The following HBP1 variants were observed in gnomAD, a reference collection of about 807,000 sequenced individuals.
The protein encoded by HBP1 is HMG box-containing protein 1.
Under a neutral mutation model 62.6 loss-of-function variants are expected in HBP1, and 20 were observed. That is an observed-to-expected ratio of 0.32 (90% CI 0.22 to 0.46). HBP1 has a LOEUF of 0.46. Ranked by LOEUF, HBP1 falls within the 20% of genes least tolerant of loss-of-function variation. The pLI is 1.00. For synonymous variants in HBP1, 232 were observed against 206.2 expected (o/e 1.12, Z -1.07); for missense variants, 480 against 611.8 (o/e 0.78, Z 2.27).
At chr7:107,186,156 C>CTTTTTTTT (rs946488645) in intron 4 of HBP1, among the ~76,000 whole-genome samples, 5 of 127,270 alleles carry the variant, frequency 3.9e-5, no homozygotes, top group Non-Finnish European at 6.6e-5. Context: ...TCTTTTTTTT[C>CTTTTTTTT]TTTTTTTTTC....
chr7:107,176,961 AT>A (rs1335468677), intron 1 of HBP1, among the ~76,000 whole-genome samples: 1 of 152,066 alleles, frequency 6.6e-6, no homozygotes, highest in Non-Finnish European at 1.5e-5. Context: ...TTTTATGGAG[AT>A]GTGCTGGATG....
At chr7:107,197,562 G>C (rs904764521) in intron 9 of HBP1, among the ~76,000 whole-genome samples, 1 of 152,088 alleles carries the variant, frequency 6.6e-6, no homozygotes, top group African/African-American at 2.4e-5. Context: ...TAGACATGGG[G>C]TTTCACTATG....
chr7:107,169,033 T>G lies in HBP1; in HGVS notation c.-168T>G, dbSNP rs1404797421. 9 of 1,287,980 alleles carry G rather than the reference T, an allele frequency of 7.0e-6. No individual in the cohort carries two copies. The highest frequency in any genetic ancestry group is 1.5e-5 in the African/African-American group (1 of 65,466). 79.8% of individuals were successfully genotyped at this position (1,287,980 alleles called of 1,614,324 possible). A position where few individuals can be genotyped will look rare whatever the true frequency, so the allele number is the denominator to read the frequency against. The stretch of plus-strand genomic sequence containing the variant: ...TGGTAATGGCGACGGGTTTGGTAAG[T>G]AGGAAAGTTTCGGTTGAGGAGTAAG... On this transcript the variant is annotated 5_prime_UTR_variant, in exon 1 of 11. Transcript: ENST00000222574.
chr7:107,186,979 G>A (rs910053350), intron 6 of HBP1, among the ~76,000 whole-genome samples: 6 of 152,174 alleles, frequency 3.9e-5, no homozygotes, highest in African/African-American at 7.2e-5. Flanking sequence ...GAGGTCGGGC[G>A]CAGTGGCTCA....
intron 8 of HBP1, 132 bp downstream of exon 8, chr7:107,190,449 G>A: frequency 8.3e-6 from 5 of 600,534 alleles, no homozygotes; most frequent in South Asian, 2.4e-5. Context: ...ATTATTAAGA[G>A]GAAAGTATGA....
chr7:107,170,046 A>C, intron 1 of HBP1: 1 of 984,874 alleles, frequency 1.0e-6, no homozygotes, highest in South Asian at 4.7e-5. Flanking sequence ...AGGGTGTTTC[A>C]CTCTCCGCTG....
chr7:107,190,479 A>G (rs1182037603), intron 8 of HBP1, among the ~76,000 whole-genome samples, 162 bp downstream of exon 8: 1 of 152,240 alleles, frequency 6.6e-6, no homozygotes, highest in Admixed American at 6.5e-5. Flanking sequence ...ATATTAGGTA[A>G]TTAAAGTATA....
chr7:107,176,118 C>G (rs1011652970), intron 1 of HBP1, among the ~76,000 whole-genome samples: 8 of 151,724 alleles, frequency 5.3e-5, no homozygotes, highest in Non-Finnish European at 1.0e-4. Flanking sequence ...CTCTGTCTCC[C>G]GGGTTCAAGC....
Position 107,201,615 on chromosome 7 carries a change from A to G in HBP1, c.*184A>G, listed in dbSNP as rs1330180898. The G allele has an allele frequency of 4.5e-5, 20 of 444,056 alleles. No individual in the cohort carries two copies. The East Asian group carries it at 6.8e-4, about 15-fold the overall frequency. The allele number at this position is 444,056 out of a possible 1,614,324, so 27.5% of individuals were successfully genotyped here. On this transcript the variant is annotated 3_prime_UTR_variant, in exon 11 of 11. Transcript: ENST00000222574. Reference sequence around the variant, plus strand: ...ATTTGCTTTCTCCATTAGAGCATTAAGCTAAAACTATCAACATTTTAAACC... The same window carrying G: ...ATTTGCTTTCTCCATTAGAGCATTAGGCTAAAACTATCAACATTTTAAACC...
In HBP1 at chr7:107,196,716, G is replaced by A. The variant is rs1190174431; in HGVS notation, c.1385+565G>A. The A allele has an allele frequency of 4.9e-5, 8 of 164,044 alleles. No individual in the cohort carries two copies. In the Middle Eastern group the frequency reaches 9.3e-3, roughly 191 times the overall value. The allele number at this position is 164,044 out of a possible 1,614,324, so 10.2% of individuals were successfully genotyped here. A position where few individuals can be genotyped will look rare whatever the true frequency, so the allele number is the denominator to read the frequency against. ...ATAGCCCAGGCTGCAGTACAGCGGC[G>A]CAACTCACTGTAGCCTGTATCTCCC... is the stretch of plus-strand genomic sequence containing the variant. On this transcript the variant is annotated intron_variant, in intron 9 of 10. Transcript: ENST00000222574.
intron 3 of HBP1, among the ~76,000 whole-genome samples, chr7:107,184,533 C>CG (rs1269581750): frequency 2.6e-5 from 4 of 152,094 alleles, no homozygotes; most frequent in African/African-American, 9.7e-5. Flanking sequence ...TTTTTTGAGA[C>CG]GGAGTCTTGC....
intron 2 of HBP1, among the ~76,000 whole-genome samples, chr7:107,180,909 A>G (rs547080175): frequency 1.2e-3 from 178 of 152,240 alleles, no homozygotes; most frequent in African/African-American, 2.1e-3. Context: ...GAACTCAGAA[A>G]CTTAGGGCCG....
At chr7:107,194,819 G>A (rs1797812706) in intron 8 of HBP1, among the ~76,000 whole-genome samples, 1 of 152,244 alleles carries the variant, frequency 6.6e-6, no homozygotes, top group African/African-American at 2.4e-5. Context: ...GAGAGTTAAT[G>A]CTGGAACAAA....
At chr7:107,170,456 A>C (rs1049638812) in intron 1 of HBP1, among the ~76,000 whole-genome samples, 2 of 152,028 alleles carry the variant, frequency 1.3e-5, no homozygotes, top group Non-Finnish European at 2.9e-5. Flanking sequence ...TTATCTTGCA[A>C]ATGAGTGTGG....
intron 9 of HBP1, among the ~76,000 whole-genome samples, chr7:107,198,739 C>T (rs1479067789): frequency 6.6e-6 from 1 of 152,162 alleles, no homozygotes. Context: ...AGGTCAGAGA[C>T]ATGTAGCTCA....
At position 107,199,979 on chromosome 7, in the gene HBP1, G is replaced by T. The variant is rs906246502; in HGVS notation, c.1386-181G>T. Reference sequence around the variant, plus strand: ...TTCATGCTGCTGATACGGAACAATGGATTATTTGATTCGGGATTTTACTGG... The same window carrying T: ...TTCATGCTGCTGATACGGAACAATGTATTATTTGATTCGGGATTTTACTGG... On this transcript the variant is annotated intron_variant, in intron 9 of 10. Transcript: ENST00000222574. 2.6e-5 allele frequency among the ~76,000 whole-genome samples: 4 copies of T among 152,202 alleles called. No individual in the cohort carries two copies. The East Asian group carries it at 7.7e-4, about 29-fold the overall frequency.
intron 8 of HBP1, chr7:107,192,666 C>T (rs901291664): frequency 1.3e-5 from 2 of 148,152 alleles, no homozygotes; most frequent in African/African-American, 5.3e-5. Flanking sequence ...GGAAAACTTG[C>T]CTGCCTAATT....
At chr7:107,175,861 C>T (rs531955020) in intron 1 of HBP1, among the ~76,000 whole-genome samples, 3 of 151,908 alleles carry the variant, frequency 2.0e-5, no homozygotes, top group East Asian at 1.9e-4. Flanking sequence ...GGACTACAGG[C>T]GCCCGCCACC....
chr7:107,201,538 A>G lies in HBP1; in HGVS notation c.*107A>G, dbSNP rs948859334. 1 of 628,202 alleles carries G rather than the reference A, an allele frequency of 1.6e-6. No homozygotes were observed. Among genetic ancestry groups the G allele is most frequent in the Non-Finnish European group, 2.9e-6 (1 of 345,204 alleles). The allele number at this position is 628,202 out of a possible 1,614,324, so 38.9% of individuals were successfully genotyped here. On this transcript the variant is annotated 3_prime_UTR_variant, in exon 11 of 11. Transcript: ENST00000222574. The stretch of plus-strand genomic sequence containing the variant: ...CCATTTGTCCTCAATTCGTGTGACC[A>G]TAAGATACTGATAGCATTGAGTCTT...
Sources: allele counts gnomAD v4.1 joint callset (sites outside exome capture counted in the v4.1 genomes callset), GRCh38; gene constraint gnomAD v4.1.1; transcripts MANE v1.5; gene names NCBI Gene and HGNC (gene_info 2026-07-23, HGNC 2026-07-21).